GALNT2: variants seen among roughly 807,000 people sequenced by gnomAD.
The protein encoded by GALNT2 is polypeptide N-acetylgalactosaminyltransferase 2, also known as UDP-GalNAc:polypeptide N-acetylgalactosaminyltransferase 2.
GALNT2 carries 31 observed loss-of-function variants against 81.4 expected under a neutral mutation model. That is an observed-to-expected ratio of 0.38 (90% CI 0.29 to 0.51). The LOEUF is 0.51. GALNT2 is among the 20% of genes least tolerant of loss of function. GALNT2 has a pLI of 0.87. For synonymous variants in GALNT2, 303 were observed against 287.4 expected (o/e 1.05, Z -0.55); for missense variants, 629 against 765.7 (o/e 0.82, Z 2.11).
Position 230,203,849 on chromosome 1 carries a change from G to A in GALNT2, c.374+559G>A, listed in dbSNP as rs149042788. 2.0e-4 allele frequency among the ~76,000 whole-genome samples: 31 copies of A among 152,226 alleles called. No individual in the cohort carries two copies. In the East Asian group the frequency reaches 5.8e-3, roughly 28 times the overall value. On this transcript the variant is annotated intron_variant, in intron 3 of 15. Coordinates refer to ENST00000366672, the MANE Select transcript of GALNT2 (RefSeq NM_004481.5). ...ATCTTTCTTTCTATTTTTAGAGATAGGGTCTCCCTCTATCACCCAGGTTGG... is the reference window on the plus strand; with the variant it reads ...ATCTTTCTTTCTATTTTTAGAGATAAGGTCTCCCTCTATCACCCAGGTTGG...
chr1:230,168,206 A>C (rs992147989), intron 1 of GALNT2, among the ~76,000 whole-genome samples: 1 of 152,230 alleles, frequency 6.6e-6, no homozygotes, highest in African/African-American at 2.4e-5. Context: ...ACTTAGGGCT[A>C]GAATTATATA....
intron 1 of GALNT2, among the ~76,000 whole-genome samples, chr1:230,102,846 G>A (rs940045527): frequency 1.3e-5 from 2 of 152,232 alleles, no homozygotes; most frequent in Non-Finnish European, 2.9e-5. Flanking sequence ...GGCAGGGCAA[G>A]GATGGAGGAC....
At chr1:230,177,833 CT>C (rs1663032951) in intron 1 of GALNT2, among the ~76,000 whole-genome samples, 1 of 152,314 alleles carries the variant, frequency 6.6e-6, no homozygotes, top group Non-Finnish European at 1.5e-5. Flanking sequence ...GGAGAGCTAC[CT>C]TCATTTTAAT....
chr1:230,255,696 A>G (rs959780604), intron 11 of GALNT2, among the ~76,000 whole-genome samples: 8 of 152,078 alleles, frequency 5.3e-5, no homozygotes, highest in African/African-American at 9.7e-5. Flanking sequence ...GGATGTTTGG[A>G]GGAGGGACGG....
chr1:230,084,558 C>G (rs1057493721), intron 1 of GALNT2, among the ~76,000 whole-genome samples: 1 of 152,036 alleles, frequency 6.6e-6, no homozygotes, highest in African/African-American at 2.4e-5. Context: ...GGCTCAGCAC[C>G]GAGACGTTGC....
intron 3 of GALNT2, among the ~76,000 whole-genome samples, chr1:230,212,747 C>T (rs905467055): frequency 2.0e-5 from 3 of 152,200 alleles, no homozygotes; most frequent in Admixed American, 6.5e-5. Context: ...TATTCATCAG[C>T]GTGCTTGTTT....
chr1:230,215,192 C>T (rs746360224), intron 3 of GALNT2, among the ~76,000 whole-genome samples: 6 of 152,214 alleles, frequency 3.9e-5, no homozygotes, highest in Non-Finnish European at 7.3e-5. Context: ...GGATATGTAT[C>T]AGAGCCCAGT....
At chr1:230,237,925 AGT>A (rs1437123846) in intron 6 of GALNT2, among the ~76,000 whole-genome samples, 1 of 152,166 alleles carries the variant, frequency 6.6e-6, no homozygotes, top group Non-Finnish European at 1.5e-5. Flanking sequence ...CTTATCTAAC[AGT>A]GTCTTTGTCT....
chr1:230,249,540 G>A (rs929420817), intron 9 of GALNT2, among the ~76,000 whole-genome samples: 5 of 152,342 alleles, frequency 3.3e-5, no homozygotes, highest in Non-Finnish European at 5.9e-5. Flanking sequence ...AATGTAGAGC[G>A]TTTCTGTAGC....
In GALNT2 at chr1:230,185,301, T is replaced by TGTGTGCGC. The variant is rs58770415; in HGVS notation, c.220+6991_220+6992insTGTGCGCG. Among the ~76,000 whole-genome samples, 66 of 126,118 alleles carry TGTGTGCGC rather than the reference T, an allele frequency of 5.2e-4. 1 individual carries two copies. The highest frequency in any genetic ancestry group is 1.6e-3 in the African/African-American group (59 of 36,552). 82.7% of individuals were successfully genotyped at this position (126,118 alleles called of 152,430 possible). A position where few individuals can be genotyped will look rare whatever the true frequency, so the allele number is the denominator to read the frequency against. On this transcript the variant is annotated intron_variant, in intron 2 of 15. Coordinates refer to ENST00000366672, the MANE Select transcript of GALNT2 (RefSeq NM_004481.5). Reference sequence around the variant, plus strand: ...GTGTGTGTGTGTGTGTGTGTGTGTGTGCGCGCGTGTGTGTGTGTGTTTAAC... The same window carrying TGTGTGCGC: ...GTGTGTGTGTGTGTGTGTGTGTGTGTGTGTGCGCGCGCGCGTGTGTGTGTGTGTTTAAC...
Position 230,243,955 on chromosome 1 carries a change from G to A in GALNT2, c.729+528G>A, listed in dbSNP as rs558150307. Among the ~76,000 whole-genome samples, 1 of 152,150 alleles carries A rather than the reference G, an allele frequency of 6.6e-6. No individual in the cohort carries two copies. Among genetic ancestry groups the A allele is most frequent in the African/African-American group, 2.4e-5 (1 of 41,532 alleles). The stretch of plus-strand genomic sequence containing the variant: ...TACAGGGACCGGTGGGGTTGTCAGA[G>A]GGTGATCCGCGGCTCCACTTCTGCA... On this transcript the variant is annotated intron_variant, in intron 7 of 15. Transcript: ENST00000366672. This position sits in a 1 kb window ranked among gnomAD's most constrained non-coding sequence, Gnocchi z 4.2.
chr1:230,279,207 GT>G lies in GALNT2; in HGVS notation c.1561-91del. The G allele has an allele frequency of 1.5e-6, 2 of 1,360,598 alleles. No individual in the cohort carries two copies. The highest frequency in any genetic ancestry group is 2.3e-5 in the Admixed American group (1 of 43,868). The allele number at this position is 1,360,598 out of a possible 1,614,324, so 84.3% of individuals were successfully genotyped here. On this transcript the variant is annotated intron_variant, in intron 15 of 15. Coordinates refer to ENST00000366672, the MANE Select transcript of GALNT2 (RefSeq NM_004481.5). This position sits in a 1 kb window ranked among gnomAD's most constrained non-coding sequence, Gnocchi z 4.6. ...CTGGGAAAAACGTGTCTATCTGTGAGTTTTTAATGCAGCCACAAGGTCCTGA... is the reference window on the plus strand; with the variant it reads ...CTGGGAAAAACGTGTCTATCTGTGAGTTTTAATGCAGCCACAAGGTCCTGA...
intron 2 of GALNT2, among the ~76,000 whole-genome samples, chr1:230,184,332 G>A (rs1271104826): frequency 6.6e-6 from 1 of 151,916 alleles, no homozygotes; most frequent in Non-Finnish European, 1.5e-5. Flanking sequence ...GGGACTACAG[G>A]CGCCCAACCA....
rs1357993104 is a variant in GALNT2 at position 230,278,193 on chromosome 1, A to C, written c.1561-1110A>C. 1.3e-4 allele frequency among the ~76,000 whole-genome samples: 20 copies of C among 148,238 alleles called. No homozygotes were observed. The Admixed American group carries it at 1.4e-3, about 10-fold the overall frequency. On this transcript the variant is annotated intron_variant, in intron 15 of 15. Coordinates refer to ENST00000366672, the MANE Select transcript of GALNT2 (RefSeq NM_004481.5). ...GCAGGGGTGGGTATGACCATAGCTC[A>C]CTGCAGCCTCGAACTCCTGTGCCCA... is the stretch of plus-strand genomic sequence containing the variant.
intron 2 of GALNT2, among the ~76,000 whole-genome samples, chr1:230,181,197 T>C (rs563229526): frequency 1.3e-5 from 2 of 152,304 alleles, no homozygotes; most frequent in Admixed American, 6.5e-5. Flanking sequence ...AAGTTTCCAG[T>C]TTTTCACCAT....
chr1:230,134,701 C>T (rs529388243), intron 1 of GALNT2, among the ~76,000 whole-genome samples: 10 of 152,176 alleles, frequency 6.6e-5, no homozygotes, highest in Non-Finnish European at 1.2e-4. Flanking sequence ...TTGTACTCTT[C>T]GCCTGCTTGG....
upstream of GALNT2, chr1:230,057,895 G>A: frequency 5.4e-6 from 2 of 372,340 alleles, no homozygotes; most frequent in South Asian, 3.9e-5. Flanking sequence ...AAATGGGAAG[G>A]GGCATTGCTG....
chr1:230,073,869 A>T (rs1167837753), intron 1 of GALNT2, among the ~76,000 whole-genome samples: 1 of 152,106 alleles, frequency 6.6e-6, no homozygotes, highest in Admixed American at 6.5e-5. Context: ...CATGGAACAG[A>T]GAGTCTCTCC....
chr1:230,171,295 C>G (rs531700617), intron 1 of GALNT2, among the ~76,000 whole-genome samples: 25 of 152,216 alleles, frequency 1.6e-4, no homozygotes, highest in Non-Finnish European at 2.8e-4. Flanking sequence ...AATGTCTTAG[C>G]TTTGCAGCTT....
Sources: allele counts gnomAD v4.1 joint callset (sites outside exome capture counted in the v4.1 genomes callset), GRCh38; gene constraint gnomAD v4.1.1; non-coding constraint Gnocchi (gnomAD v3.1); transcripts MANE v1.5; gene names NCBI Gene and HGNC (gene_info 2026-07-23, HGNC 2026-07-21).